LMAN1: variants seen among roughly 807,000 people sequenced by gnomAD.
LMAN1 encodes the protein lectin, mannose binding 1, also known as protein ERGIC-53.
LMAN1 carries 32 observed loss-of-function variants against 67.8 expected under a neutral mutation model. The ratio of observed to expected loss-of-function variants is 0.47; its 90% confidence interval spans 0.36 to 0.63. The LOEUF (loss-of-function observed/expected upper bound fraction) is 0.63. Ranked by LOEUF, LMAN1 falls within the 30% of genes least tolerant of loss-of-function variation. The probability of loss-of-function intolerance (pLI) is 0.00; values close to 1 mark genes in which losing one functional copy is unlikely to be tolerated. For missense variants in LMAN1, 632 were observed against 628.2 expected (o/e 1.01, Z -0.06); for synonymous variants, 235 against 219.3 (o/e 1.07, Z -0.63).
At chr18:59,357,995 A>C (rs1489609591) in intron 1 of LMAN1, among the ~76,000 whole-genome samples, 8 of 151,198 alleles carry the variant, frequency 5.3e-5, no homozygotes, top group Non-Finnish European at 1.2e-4. Flanking sequence ...GATTAATCAC[A>C]CACAAAGATA....
At chr18:59,340,777 TGACAAA>T (rs1272757952) in intron 8 of LMAN1, among the ~76,000 whole-genome samples, 1 of 151,850 alleles carries the variant, frequency 6.6e-6, no homozygotes, top group African/African-American at 2.4e-5. Flanking sequence ...TTTCATCAAA[TGACAAA>T]GACAAAGATG....
Position 59,349,234 on chromosome 18 carries a change from T to G in LMAN1, c.642A>C (p.Val214=). The G allele has an allele frequency of 6.2e-7, 1 of 1,612,462 alleles. No individual in the cohort carries two copies. The highest frequency in any genetic ancestry group is 8.5e-7 in the Non-Finnish European group (1 of 1,178,532). The change falls in exon 6 of 13, where the codon GTA becomes GTC. Residue 214 remains valine (V), a splice_region_variant and synonymous_variant. Coordinates refer to ENST00000251047, the MANE Select transcript of LMAN1 (RefSeq NM_005570.4). ...CTGGTGTAAAGCCATTATTGATCAT[T>G]ACCTAGAAAGACATATCATAGCTAT... ...KITYYQNTLT[V]MINNGFTPDK... is the part of the protein sequence containing the mutation.
At position 59,328,054 on chromosome 18, in the gene LMAN1, A is replaced by T. The variant is rs1272895080; in HGVS notation, c.*3039T>A. On this transcript the variant is annotated 3_prime_UTR_variant, in exon 13 of 13. Coordinates refer to ENST00000251047, the MANE Select transcript of LMAN1 (RefSeq NM_005570.4). ...GATTTCACATTAGATCTTATAAATT[A>T]AAAAAATCCTCAATATAATCATTTG... is the stretch of plus-strand genomic sequence containing the variant. 2.0e-5 allele frequency: 3 copies of T among 152,212 alleles called. No individual in the cohort carries two copies. The highest frequency in any genetic ancestry group is 4.1e-4 in the South Asian group (2 of 4,822). 9.4% of individuals were successfully genotyped at this position (152,212 alleles called of 1,614,324 possible).
At chr18:59,341,610 A>G (rs548264633) in intron 8 of LMAN1, among the ~76,000 whole-genome samples, 19 of 152,294 alleles carry the variant, frequency 1.2e-4, no homozygotes, top group Non-Finnish European at 2.2e-4. Context: ...CACTTTGTCA[A>G]TGAAGAAATT....
At chr18:59,357,998 CAA>C (rs1433108355) in intron 1 of LMAN1, among the ~76,000 whole-genome samples, 2 of 147,570 alleles carry the variant, frequency 1.4e-5, no homozygotes, top group Non-Finnish European at 3.0e-5. Context: ...TAATCACACA[CAA>C]AGATAGAATT....
chr18:59,333,513 G>T, intron 10 of LMAN1: 1 of 374,544 alleles, frequency 2.7e-6, no homozygotes, highest in Non-Finnish European at 4.9e-6. Flanking sequence ...AATAGTATAA[G>T]TGGATATTGA....
intron 10 of LMAN1, among the ~76,000 whole-genome samples, chr18:59,335,812 T>C (rs755481535): frequency 6.6e-6 from 1 of 152,196 alleles, no homozygotes; most frequent in Non-Finnish European, 1.5e-5. Flanking sequence ...CTGGATACTG[T>C]AAAGCTAGAG....
rs914680202 is a variant in LMAN1, at chr18:59,332,230, T to C, written c.1375-691A>G. On this transcript the variant is annotated intron_variant, in intron 11 of 12. Transcript: ENST00000251047. ...GATACACACAGTATCAATTTGGTCA[T>C]TGCAACAAAGACAATGTACGAGAAA... 5.9e-5 allele frequency among the ~76,000 whole-genome samples: 9 copies of C among 152,162 alleles called. No individual in the cohort carries two copies. In the South Asian group the frequency reaches 6.2e-4, roughly 11 times the overall value.
At chr18:59,331,206 T>G in intron 12 of LMAN1, 77 bp from the exon 13 acceptor site, 3 of 1,279,930 alleles carry the variant, frequency 2.3e-6, no homozygotes, top group Non-Finnish European at 3.4e-6. Flanking sequence ...TATTTAAAAT[T>G]AAAATATCAA....
At chr18:59,331,902 T>C (rs1160489156) in intron 11 of LMAN1, among the ~76,000 whole-genome samples, 1 of 152,188 alleles carries the variant, frequency 6.6e-6, no homozygotes, top group Non-Finnish European at 1.5e-5. Flanking sequence ...TTAGCACCCC[T>C]TCATTCTCAA....
At chr18:59,339,055 A>T in intron 8 of LMAN1, 102 bp from the exon 9 acceptor site, 1 of 826,026 alleles carries the variant, frequency 1.2e-6, no homozygotes, top group East Asian at 2.5e-5. Flanking sequence ...AAATTAGGAC[A>T]TCACCATCAC....
At chr18:59,343,076 G>T (rs375867921) in intron 8 of LMAN1, among the ~76,000 whole-genome samples, 257 of 141,574 alleles carry the variant, frequency 1.8e-3, no homozygotes, top group African/African-American at 6.1e-3. Context: ...AAAACACCTA[G>T]AAATATATTT....
At position 59,355,361 on chromosome 18, in the gene LMAN1, C is replaced by A; in HGVS notation, c.429G>T (p.Leu143=). ...LEGPVFGSAD[L]WNGVGIFFDS... ...CAAAAAATATTCCAACACCATTCCA[C>A]AGATCAGCTGATCCAAACACAGGGC... Residue 143 remains leucine (L), a synonymous_variant, in exon 3 of 13, where the codon CTG becomes CTT. Coordinates refer to ENST00000251047, the MANE Select transcript of LMAN1 (RefSeq NM_005570.4). 5 of 1,614,062 alleles carry A rather than the reference C, an allele frequency of 3.1e-6. No individual in the cohort carries two copies. Among genetic ancestry groups the A allele is most frequent in the Non-Finnish European group, 4.2e-6 (5 of 1,179,944 alleles).
intron 10 of LMAN1, among the ~76,000 whole-genome samples, chr18:59,337,969 T>C (rs1603394190): frequency 6.6e-6 from 1 of 152,202 alleles, no homozygotes; most frequent in South Asian, 2.1e-4. Flanking sequence ...GCTCCAGGCA[T>C]TGAAAGCTAT....
chr18:59,358,672 G>A lies in LMAN1; in HGVS notation c.214+359C>T, dbSNP rs145962255. Among the ~76,000 whole-genome samples the A allele has an allele frequency of 2.7e-3, 408 of 152,268 alleles. 2 individuals are homozygous for A. Among genetic ancestry groups the A allele is most frequent in the African/African-American group, 9.0e-3 (374 of 41,556 alleles). ...CTGGGGGTAGGGCACATTTCTCCTA[G>A]AGACGTGGCGTTGTGAAACATGATA... On this transcript the variant is annotated intron_variant, in intron 1 of 12. Transcript: ENST00000251047.
At chr18:59,349,044 T>A in intron 6 of LMAN1, 69 bp downstream of exon 6, 1 of 1,556,074 alleles carries the variant, frequency 6.4e-7, no homozygotes, top group Non-Finnish European at 8.9e-7. Flanking sequence ...AGTCTACATA[T>A]CCCTAATATA....
intron 12 of LMAN1, 112 bp downstream of exon 12, chr18:59,331,306 C>T (rs1232733078): frequency 1.6e-6 from 2 of 1,225,982 alleles, no homozygotes; most frequent in African/African-American, 3.0e-5. Flanking sequence ...TCACAATAAA[C>T]TTAATTTTAT....
chr18:59,345,410 C>T (rs150933884), intron 8 of LMAN1, among the ~76,000 whole-genome samples: 21 of 152,236 alleles, frequency 1.4e-4, no homozygotes, highest in Middle Eastern at 3.4e-3. Context: ...AGGATTCTAT[C>T]GAGTAGTATG....
chr18:59,333,066 T>TA (rs766355168), intron 11 of LMAN1, 25 bp downstream of exon 11: 21 of 1,589,318 alleles, frequency 1.3e-5, no homozygotes, highest in Middle Eastern at 3.4e-4. Flanking sequence ...ATTATAATTA[T>TA]AAAAGGAAAA....
Sources: gnomAD v4.1 joint callset for allele counts (sites outside exome capture counted in the v4.1 genomes callset) on GRCh38, gnomAD v4.1.1 for gene constraint, MANE v1.5 for transcripts, NCBI Gene and HGNC (gene_info 2026-07-23, HGNC 2026-07-21) for gene names.